Variants in CSMD1 observed in about 807,000 individuals in gnomAD.
CSMD1 encodes CUB and Sushi multiple domains 1, also known as CUB and sushi domain-containing protein 1.
Under a neutral mutation model 417.5 loss-of-function variants are expected in CSMD1, and 213 were observed. That is an observed-to-expected ratio of 0.51 (90% CI 0.46 to 0.57). CSMD1 has a LOEUF of 0.57. CSMD1 is among the 20% of genes least tolerant of loss of function. CSMD1 has a pLI of 0.00. For missense variants in CSMD1, 6,923 were observed against 4,529.7 expected, an observed-to-expected ratio of 1.53 and a Z score of -15.17; for synonymous variants, 2,862 against 1,736.8, an observed-to-expected ratio of 1.65 and a Z score of -16.11.
chr8:3,890,812 A>T (rs1806921500), intron 5 of CSMD1, among the ~76,000 whole-genome samples: 1 of 152,164 alleles, frequency 6.6e-6, no homozygotes. Flanking sequence ...ACTAAAATAT[A>T]GTAATATCTG....
At chr8:3,860,768 G>C (rs554979689) in intron 5 of CSMD1, among the ~76,000 whole-genome samples, 6 of 152,118 alleles carry the variant, frequency 3.9e-5, no homozygotes, top group East Asian at 1.9e-4. Flanking sequence ...TGAAGGGAGA[G>C]AGTAGAGCTG....
chr8:3,555,452 G>T (rs1376482988), intron 10 of CSMD1, among the ~76,000 whole-genome samples: 1 of 152,136 alleles, frequency 6.6e-6, no homozygotes, highest in Non-Finnish European at 1.5e-5. Flanking sequence ...AGGTGGCCCT[G>T]GCAGGTCAGA....
At chr8:4,661,666 C>T (rs765376627) in intron 1 of CSMD1, among the ~76,000 whole-genome samples, 1 of 152,072 alleles carries the variant, frequency 6.6e-6, no homozygotes, top group East Asian at 1.9e-4. Context: ...GATATCTCTC[C>T]GTATTATTGT....
intron 1 of CSMD1, among the ~76,000 whole-genome samples, chr8:4,702,771 C>A (rs79737117): frequency 6.6e-6 from 1 of 152,022 alleles, no homozygotes; most frequent in Non-Finnish European, 1.5e-5. Context: ...CATCCTTTTG[C>A]GGGAAAATGT....
intron 10 of CSMD1, among the ~76,000 whole-genome samples, chr8:3,505,674 A>C (rs1796793951): frequency 3.3e-5 from 5 of 152,234 alleles, no homozygotes. Context: ...GTAGCATAAC[A>C]AAACCGTAGA....
chr8:4,119,114 G>C (rs1802331619), intron 3 of CSMD1, among the ~76,000 whole-genome samples: 1 of 152,052 alleles, frequency 6.6e-6, no homozygotes, highest in South Asian at 2.1e-4. Context: ...AGAGAAGGGA[G>C]ATCATTAGGG....
intron 61 of CSMD1, among the ~76,000 whole-genome samples, chr8:2,961,727 AG>A (rs1554472726): frequency 2.0e-5 from 3 of 152,244 alleles, no homozygotes; most frequent in Non-Finnish European, 4.4e-5. Context: ...TGGGTAACCC[AG>A]TGGCACTTCA....
chr8:4,992,601 C>A (rs371872935), intron 1 of CSMD1, among the ~76,000 whole-genome samples: 94 of 152,310 alleles, frequency 6.2e-4, no homozygotes, highest in African/African-American at 2.1e-3. Flanking sequence ...CTGCGACACA[C>A]ACGCCCCAGC....
intron 1 of CSMD1, among the ~76,000 whole-genome samples, chr8:4,808,565 C>G (rs767933269): frequency 6.6e-6 from 1 of 152,100 alleles, no homozygotes; most frequent in Non-Finnish European, 1.5e-5. Flanking sequence ...TAATATGTTC[C>G]TAGACACTTA....
At chr8:3,215,073 T>C (rs1797807938) in intron 29 of CSMD1, among the ~76,000 whole-genome samples, 1 of 152,222 alleles carries the variant, frequency 6.6e-6, no homozygotes, top group Admixed American at 6.5e-5. Context: ...TTTTCTAACT[T>C]TTGTACATCA....
intron 5 of CSMD1, among the ~76,000 whole-genome samples, chr8:3,969,511 T>A (rs189369082): frequency 5.2e-4 from 79 of 152,316 alleles, no homozygotes; most frequent in African/African-American, 1.9e-3. Flanking sequence ...CTTGTACAAG[T>A]TATTTAACTT....
intron 1 of CSMD1, among the ~76,000 whole-genome samples, chr8:4,919,947 C>A (rs1467382430): frequency 6.6e-6 from 1 of 152,140 alleles, no homozygotes; most frequent in Non-Finnish European, 1.5e-5. Flanking sequence ...ACCAGACCTG[C>A]CAATGCCTTG....
chr8:3,265,010 C>A (rs922850759), intron 26 of CSMD1, among the ~76,000 whole-genome samples: 1 of 152,172 alleles, frequency 6.6e-6, no homozygotes, highest in African/African-American at 2.4e-5. Flanking sequence ...TTAACCACCT[C>A]TGTGAGAATT....
At chr8:3,088,544 T>G (rs1208724170) in intron 48 of CSMD1, among the ~76,000 whole-genome samples, 1 of 152,162 alleles carries the variant, frequency 6.6e-6, no homozygotes, top group East Asian at 1.9e-4. Flanking sequence ...AACATCTATG[T>G]GTCTGGCCTC....
At chr8:4,128,150 G>T (rs911797421) in intron 3 of CSMD1, among the ~76,000 whole-genome samples, 1 of 152,076 alleles carries the variant, frequency 6.6e-6, no homozygotes, top group Admixed American at 6.5e-5. Flanking sequence ...CACCTCTGGA[G>T]AAAAGTTTGC....
chr8:4,083,582 A>G, intron 3 of CSMD1, among the ~76,000 whole-genome samples: 1 of 152,172 alleles, frequency 6.6e-6, no homozygotes, highest in Non-Finnish European at 1.5e-5. Context: ...CAAAAAGAAG[A>G]AATGGGGAAA....
chr8:3,979,079 A>G (rs1585068539), intron 5 of CSMD1, among the ~76,000 whole-genome samples: 2 of 152,224 alleles, frequency 1.3e-5, no homozygotes, highest in African/African-American at 4.8e-5. Flanking sequence ...GTGCACAGCG[A>G]CCTTTGAACA....
intron 3 of CSMD1, among the ~76,000 whole-genome samples, chr8:4,139,056 C>A (rs927654461): frequency 6.6e-6 from 1 of 152,114 alleles, no homozygotes; most frequent in African/African-American, 2.4e-5. Flanking sequence ...AGACTTGGGG[C>A]CACCAAAAAC....
chr8:4,473,601 C>T (rs1800648090), intron 2 of CSMD1, among the ~76,000 whole-genome samples: 1 of 152,174 alleles, frequency 6.6e-6, no homozygotes, highest in Non-Finnish European at 1.5e-5. Flanking sequence ...GACAAGATGA[C>T]ATTGTACATC....
Sources: gnomAD v4.1 joint callset for allele counts (sites outside exome capture counted in the v4.1 genomes callset) on GRCh38, gnomAD v4.1.1 for gene constraint, MANE v1.5 for transcripts, NCBI Gene and HGNC (gene_info 2026-07-23, HGNC 2026-07-21) for gene names.